MICAL3: variants seen among roughly 807,000 people sequenced by gnomAD.
MICAL3 encodes the protein microtubule associated monooxygenase, calponin and LIM domain containing 3, also known as [F-actin]-monooxygenase MICAL3.
Under a neutral mutation model 207.4 loss-of-function variants are expected in MICAL3, and 62 were observed. The ratio of observed to expected loss-of-function variants is 0.30; its 90% CI spans 0.24 to 0.37. The LOEUF is 0.37. Ranked by LOEUF, MICAL3 falls within the 10% of genes least tolerant of loss-of-function variation. The pLI, the probability that MICAL3 is intolerant of heterozygous loss-of-function variation, is 1.00. For missense variants in MICAL3, 2,368 were observed against 2,635.6 expected (o/e 0.90, Z 2.22); for synonymous variants, 1,077 against 1,069.3 (o/e 1.01, Z -0.14).
chr22:17,976,585 A>ATTTTTT (rs1372475997), intron 1 of MICAL3, among the ~76,000 whole-genome samples: 13 of 83,596 alleles, frequency 1.6e-4, no homozygotes, highest in African/African-American at 2.3e-4. Context: ...ATATATATAT[A>ATTTTTT]TATATTTTTT....
Position 17,891,737 on chromosome 22 carries a change from T to C in MICAL3, c.1547-105A>G, listed in dbSNP as rs1930407453. 3 of 1,106,948 alleles carry C rather than the reference T, an allele frequency of 2.7e-6. No individual in the cohort carries two copies. The African/African-American group carries it at 4.7e-5, about 17-fold the overall frequency. The allele number at this position is 1,106,948 out of a possible 1,614,324, so 68.6% of individuals were successfully genotyped here. On this transcript the variant is annotated intron_variant, in intron 11 of 31. Coordinates refer to ENST00000441493, the MANE Select transcript of MICAL3 (RefSeq NM_015241.3). ...GTCCCCTTTGAAAAATTACTGAGGG[T>C]AGGGACGAAACAGTCAACACTAGTT...
chr22:18,000,036 CG>C (rs1042713388), intron 1 of MICAL3, among the ~76,000 whole-genome samples: 7 of 152,146 alleles, frequency 4.6e-5, no homozygotes, highest in African/African-American at 1.7e-4. Flanking sequence ...GGCCTGTGTG[CG>C]GCCAGGTAAC....
intron 17 of MICAL3, among the ~76,000 whole-genome samples, chr22:17,869,872 G>T (rs1239833031): frequency 6.6e-6 from 1 of 152,180 alleles, no homozygotes; most frequent in African/African-American, 2.4e-5. Flanking sequence ...GACAAAGGGC[G>T]TGATGTGTTG....
intron 1 of MICAL3, among the ~76,000 whole-genome samples, chr22:17,929,147 G>A (rs193172001): frequency 6.7e-6 from 1 of 149,914 alleles, no homozygotes; most frequent in East Asian, 2.0e-4. Flanking sequence ...CTGCCAGGCT[G>A]GAGTGTAGTG....
At chr22:17,850,325 G>A (rs1159136335) in intron 19 of MICAL3, among the ~76,000 whole-genome samples, 1 of 151,780 alleles carries the variant, frequency 6.6e-6, no homozygotes, top group East Asian at 1.9e-4. Context: ...CCGCTAGGGG[G>A]GACAAGAGCT....
At chr22:17,861,162 CCT>C (rs1926480321) in intron 19 of MICAL3, 1 of 985,326 alleles carries the variant, frequency 1.0e-6, no homozygotes. Flanking sequence ...TCCGAACTTC[CCT>C]CTGTCAGGTG....
chr22:17,888,233 G>A (rs1372002051), intron 13 of MICAL3, among the ~76,000 whole-genome samples: 1 of 152,154 alleles, frequency 6.6e-6, no homozygotes, highest in Non-Finnish European at 1.5e-5. Flanking sequence ...GGAAAATTGA[G>A]TAACTTGCCT....
intron 19 of MICAL3, among the ~76,000 whole-genome samples, chr22:17,846,541 G>A (rs1046659171): frequency 7.2e-5 from 11 of 152,234 alleles, no homozygotes; most frequent in Admixed American, 2.0e-4. Context: ...CCTGGGCAGC[G>A]AAGACAGCCC....
chr22:17,934,197 G>A (rs183927735), intron 1 of MICAL3, among the ~76,000 whole-genome samples: 2,615 of 152,164 alleles, frequency 0.017, 41 homozygotes, highest in Non-Finnish European at 0.029. Context: ...ACATCAATGC[G>A]AAAATCCTCA....
At chr22:17,907,255 G>T (rs1931802704) in intron 1 of MICAL3, among the ~76,000 whole-genome samples, 2 of 152,224 alleles carry the variant, frequency 1.3e-5, no homozygotes, top group African/African-American at 4.8e-5. Context: ...CCTCTGAGAG[G>T]TGACAGCTGA....
At chr22:17,846,947 T>C (rs1924690548) in intron 19 of MICAL3, among the ~76,000 whole-genome samples, 1 of 152,156 alleles carries the variant, frequency 6.6e-6, no homozygotes. Context: ...AGTCACTGCC[T>C]GCATGAGCTC....
At chr22:18,003,055 G>A (rs1193855375) in intron 1 of MICAL3, among the ~76,000 whole-genome samples, 1 of 151,754 alleles carries the variant, frequency 6.6e-6, no homozygotes, top group African/African-American at 2.4e-5. Context: ...AGCTACTCAG[G>A]AGGCTGAGGC....
chr22:18,003,747 C>T (rs540568561), intron 1 of MICAL3, among the ~76,000 whole-genome samples: 63 of 152,124 alleles, frequency 4.1e-4, no homozygotes, highest in Non-Finnish European at 6.9e-4. Context: ...CTTCCAATCA[C>T]GCAGGGAGTC....
At chr22:17,987,769 A>T (rs1436339590) in intron 1 of MICAL3, among the ~76,000 whole-genome samples, 2 of 151,718 alleles carry the variant, frequency 1.3e-5, no homozygotes, top group Non-Finnish European at 2.9e-5. Context: ...TTTAGGGTAA[A>T]GGGGCACAAT....
chr22:17,886,146 G>T, intron 15 of MICAL3, 95 bp from the exon 16 acceptor site: 1 of 1,359,282 alleles, frequency 7.4e-7, no homozygotes, highest in Admixed American at 1.8e-5. Context: ...CTGGCATGGG[G>T]GCTGGTGGAC....
chr22:17,877,090 TGGAGGTTAG>T (rs200634678), intron 16 of MICAL3, among the ~76,000 whole-genome samples: 6 of 71,018 alleles, frequency 8.4e-5, no homozygotes, highest in African/African-American at 1.4e-4. Flanking sequence ...ATGGAGGTTA[TGGAGGTTAG>T]GGAGGTTATG....
At chr22:17,852,437 T>C (rs961097654) in intron 19 of MICAL3, among the ~76,000 whole-genome samples, 1 of 152,018 alleles carries the variant, frequency 6.6e-6, no homozygotes, top group Non-Finnish European at 1.5e-5. Context: ...AGAGAATCAT[T>C]AGTGTCTCGG....
At chr22:17,888,051 C>T (rs1021305674) in intron 13 of MICAL3, among the ~76,000 whole-genome samples, 1 of 152,182 alleles carries the variant, frequency 6.6e-6, no homozygotes, top group Non-Finnish European at 1.5e-5. Flanking sequence ...TCATTAGTAA[C>T]AACAGCAATT....
chr22:17,826,759 G>A (rs1372456446), intron 22 of MICAL3, among the ~76,000 whole-genome samples: 1 of 152,224 alleles, frequency 6.6e-6, no homozygotes, highest in Non-Finnish European at 1.5e-5. Flanking sequence ...GCTGCAGAGC[G>A]CTCCCCAGCT....
Sources: gnomAD v4.1 joint callset for allele counts (sites outside exome capture counted in the v4.1 genomes callset) on GRCh38, gnomAD v4.1.1 for gene constraint, MANE v1.5 for transcripts, NCBI Gene and HGNC (gene_info 2026-07-23, HGNC 2026-07-21) for gene names.